PLXNA4: variants seen among roughly 807,000 people sequenced by gnomAD.
The protein encoded by PLXNA4 is plexin-A4.
Under a neutral mutation model 191.8 loss-of-function variants are expected in PLXNA4, and 44 were observed. The ratio of observed to expected loss-of-function variants is 0.23; its 90% CI spans 0.18 to 0.29. PLXNA4 has a LOEUF of 0.29. Among genes scored for constraint, PLXNA4 ranks in the 10% least tolerant of loss-of-function variants. The pLI, the probability that PLXNA4 is intolerant of heterozygous loss-of-function variation, is 1.00. For missense variants in PLXNA4, 1,800 were observed against 2,488.8 expected, an observed-to-expected ratio of 0.72 and a Z score of 5.89; for synonymous variants, 1,082 against 1,009.5, an observed-to-expected ratio of 1.07 and a Z score of -1.36.
At chr7:132,242,851 T>G (rs1798928123) in intron 4 of PLXNA4, among the ~76,000 whole-genome samples, 1 of 152,196 alleles carries the variant, frequency 6.6e-6, no homozygotes, top group African/African-American at 2.4e-5. Flanking sequence ...TTACCCACAC[T>G]GGCTCCACAC....
At chr7:132,593,770 T>A (rs1303193915) in intron 2 of PLXNA4, among the ~76,000 whole-genome samples, 1 of 152,204 alleles carries the variant, frequency 6.6e-6, no homozygotes, top group East Asian at 1.9e-4. Flanking sequence ...GGGAAACAAG[T>A]GCTGCCTGCC....
chr7:132,397,215 C>T (rs769906361), intron 3 of PLXNA4, among the ~76,000 whole-genome samples: 1 of 152,186 alleles, frequency 6.6e-6, no homozygotes, highest in Non-Finnish European at 1.5e-5. Flanking sequence ...CATCAAGATC[C>T]TTCTGATGTG....
In PLXNA4 at chr7:132,128,920, C is replaced by T. The variant is rs1045718306; in HGVS notation, c.*1559G>A. 3 of 151,988 alleles carry T rather than the reference C, an allele frequency of 2.0e-5. No individual in the cohort carries two copies. The highest frequency in any genetic ancestry group is 7.2e-5 in the African/African-American group (3 of 41,462). The allele number at this position is 151,988 out of a possible 1,614,324, so 9.4% of individuals were successfully genotyped here. On this transcript the variant is annotated 3_prime_UTR_variant, in exon 32 of 32. Coordinates refer to ENST00000321063, the MANE Select transcript of PLXNA4 (RefSeq NM_020911.2). ...GCTTAGGATGGGAGACTGCACCAGA[C>T]AGCACCTAAGGTCTCCTTAGGATGA...
At chr7:132,438,865 GC>G (rs1010065267) in intron 3 of PLXNA4, among the ~76,000 whole-genome samples, 60 of 151,990 alleles carry the variant, frequency 3.9e-4, no homozygotes, top group African/African-American at 1.4e-3. Flanking sequence ...CATATCAACT[GC>G]CCACTGCTAG....
At chr7:132,484,912 A>G in intron 3 of PLXNA4, 1 of 1,614,208 alleles carries the variant, frequency 6.2e-7, no homozygotes. Context: ...GAAGATACAC[A>G]CACAGCATCT....
rs201134213 is a variant in PLXNA4, at chr7:132,147,927, C to A, written c.4837G>T (p.Val1613Phe). Reference sequence around the variant, plus strand: ...TATTTACTTGCTGAGGTCCTGGAGACGGTGGAGTTGTTCACTGCGTTATAG... The same window carrying A: ...TATTTACTTGCTGAGGTCCTGGAGAAGGTGGAGTTGTTCACTGCGTTATAG... The part of the protein sequence containing the change: ...TAYNAVNNST[V>F]SRTSASKYEN... The change falls in exon 27 of 32, where the codon GTC (valine) becomes TTC (phenylalanine). Residue 1613 changes from valine (V) to phenylalanine (F), a missense_variant. By Grantham distance (50) the Val-to-Phe change is conservative. Transcript: ENST00000321063. 1.9e-5 allele frequency: 31 copies of A among 1,613,970 alleles called. No homozygotes were observed. Among genetic ancestry groups the A allele is most frequent in the Non-Finnish European group, 2.5e-5 (29 of 1,180,020 alleles).
intron 1 of PLXNA4, among the ~76,000 whole-genome samples, chr7:132,568,653 T>C (rs1039563865): frequency 2.0e-5 from 3 of 152,186 alleles, no homozygotes; most frequent in African/African-American, 7.2e-5. Flanking sequence ...GAGCAGCTTC[T>C]TCACCATTAT....
chr7:132,259,764 A>T (rs1204899686), intron 4 of PLXNA4, among the ~76,000 whole-genome samples: 1 of 152,232 alleles, frequency 6.6e-6, no homozygotes, highest in African/African-American at 2.4e-5. Flanking sequence ...ATGGTGTGGT[A>T]CATCCAGACA....
chr7:132,288,503 T>C (rs1245713239), intron 4 of PLXNA4, among the ~76,000 whole-genome samples: 1 of 152,198 alleles, frequency 6.6e-6, no homozygotes, highest in Non-Finnish European at 1.5e-5. Flanking sequence ...ACAGCTTTTC[T>C]GTTTTTGTGA....
intron 3 of PLXNA4, among the ~76,000 whole-genome samples, chr7:132,364,032 G>A (rs558308966): frequency 6.6e-6 from 1 of 152,210 alleles, no homozygotes; most frequent in Non-Finnish European, 1.5e-5. Flanking sequence ...GTCTGGTGTG[G>A]TCCCTGGGCC....
chr7:132,480,414 G>T (rs754362590), intron 3 of PLXNA4, among the ~76,000 whole-genome samples: 1 of 152,194 alleles, frequency 6.6e-6, no homozygotes. Flanking sequence ...AAGCAATAAT[G>T]ACCCGTGATT....
At chr7:132,393,829 A>C (rs1324937837) in intron 3 of PLXNA4, among the ~76,000 whole-genome samples, 2 of 152,124 alleles carry the variant, frequency 1.3e-5, no homozygotes, top group East Asian at 3.9e-4. Flanking sequence ...CCAGGACACT[A>C]AGCCATCTTC....
At chr7:132,411,908 C>T (rs1794472895) in intron 3 of PLXNA4, among the ~76,000 whole-genome samples, 1 of 152,174 alleles carries the variant, frequency 6.6e-6, no homozygotes, top group Admixed American at 6.5e-5. Context: ...CTGACCACCC[C>T]AGACATTTCT....
intron 6 of PLXNA4, 95 bp from the exon 7 acceptor site, chr7:132,227,699 T>C: frequency 1.8e-5 from 25 of 1,418,582 alleles, no homozygotes; most frequent in African/African-American, 2.8e-5. Flanking sequence ...GTGAGAGAGA[T>C]CACAGGGAAA....
intron 10 of PLXNA4, among the ~76,000 whole-genome samples, chr7:132,210,413 C>T (rs1797759208): frequency 6.6e-6 from 1 of 152,160 alleles, no homozygotes; most frequent in African/African-American, 2.4e-5. Context: ...AGGGTTTGCG[C>T]TGATCTAAGC....
At chr7:132,377,730 T>C (rs572164657) in intron 3 of PLXNA4, among the ~76,000 whole-genome samples, 4 of 152,242 alleles carry the variant, frequency 2.6e-5, no homozygotes, top group African/African-American at 9.6e-5. Context: ...GCTGCCTACT[T>C]GCAAATCCCT....
At chr7:132,648,221 T>C (rs1186577542) in intron 1 of PLXNA4, among the ~76,000 whole-genome samples, 2 of 152,050 alleles carry the variant, frequency 1.3e-5, no homozygotes, top group African/African-American at 4.8e-5. Flanking sequence ...ACTTACACAC[T>C]CACACATCGT....
chr7:132,237,868 C>A (rs746557168), intron 5 of PLXNA4, among the ~76,000 whole-genome samples: 1 of 152,142 alleles, frequency 6.6e-6, no homozygotes, highest in Non-Finnish European at 1.5e-5. Context: ...AATCGGTACC[C>A]GTGGACACGT....
intron 3 of PLXNA4, among the ~76,000 whole-genome samples, chr7:132,311,193 T>TGTGCGCGCGC (rs71178034): frequency 1.1e-5 from 1 of 89,828 alleles, no homozygotes; most frequent in African/African-American, 3.9e-5. Flanking sequence ...TGTGTGTGTG[T>TGTGCGCGCGC]GCGCGTGTGG....
Sources: gnomAD v4.1 joint callset for allele counts (sites outside exome capture counted in the v4.1 genomes callset) on GRCh38, gnomAD v4.1.1 for gene constraint, MANE v1.5 for transcripts, NCBI Gene and HGNC (gene_info 2026-07-23, HGNC 2026-07-21) for gene names.